The following FBXO4 variants were observed in gnomAD, a reference collection of about 807,000 sequenced individuals.
The protein encoded by FBXO4 is F-box protein 4.
A neutral mutation model predicts 43.7 loss-of-function variants in FBXO4; 36 were observed. That is an observed-to-expected ratio of 0.82 (90% CI 0.63 to 1.09). The LOEUF (loss-of-function observed/expected upper bound fraction) is 1.09. FBXO4 is among the 50% of genes least tolerant of loss of function. The probability of loss-of-function intolerance (pLI) is 0.00; values close to 1 mark genes in which losing one functional copy is unlikely to be tolerated. For synonymous variants in FBXO4, 180 were observed against 165.6 expected (o/e 1.09, Z -0.67); for missense variants, 435 against 474.1 (o/e 0.92, Z 0.77).
chr5:41,975,805 T>G, the FBXO4 span, among the ~76,000 whole-genome samples: 1 of 152,192 alleles, frequency 6.6e-6, no homozygotes, highest in South Asian at 2.1e-4. Context: ...TGTGTTAGGC[T>G]GTTTTTGCAT....
the FBXO4 span, among the ~76,000 whole-genome samples, chr5:41,985,918 T>C: frequency 6.6e-6 from 1 of 152,270 alleles, no homozygotes; most frequent in African/African-American, 2.4e-5. Context: ...ACAGGAAAAG[T>C]CGAACTGTTA....
At chr5:41,999,545 GTATA>G in the FBXO4 span, among the ~76,000 whole-genome samples, 36 of 103,398 alleles carry the variant, frequency 3.5e-4, no homozygotes, top group Middle Eastern at 4.4e-3. Flanking sequence ...ACATATATAT[GTATA>G]TATATATATA....
At chr5:42,037,964 A>G in the FBXO4 span, among the ~76,000 whole-genome samples, 2,518 of 152,228 alleles carry the variant, frequency 0.017, 78 homozygotes, top group African/African-American at 0.058. Context: ...GTGTGTTGGT[A>G]TGTTACTGCA....
chr5:41,993,638 TA>T, the FBXO4 span, among the ~76,000 whole-genome samples: 1 of 150,288 alleles, frequency 6.7e-6, no homozygotes, highest in Admixed American at 6.6e-5. Flanking sequence ...TATATATATA[TA>T]TCGTTTTATG....
Sources: gnomAD v4.1 joint callset for allele counts (sites outside exome capture counted in the v4.1 genomes callset) on GRCh38, gnomAD v4.1.1 for gene constraint, MANE v1.5 for transcripts, NCBI Gene and HGNC (gene_info 2026-07-23, HGNC 2026-07-21) for gene names.